The following SH3GL2 variants were observed in gnomAD, a reference collection of about 807,000 sequenced individuals.
SH3GL2 encodes endophilin-A1.
A neutral mutation model predicts 46.0 loss-of-function variants in SH3GL2; 24 were observed. The ratio of observed to expected loss-of-function variants is 0.52; its 90% CI spans 0.38 to 0.73. The LOEUF is 0.73. Ranked by LOEUF, SH3GL2 falls within the 30% of genes least tolerant of loss-of-function variation. The probability of loss-of-function intolerance (pLI) is 0.00; values close to 1 mark genes in which losing one functional copy is unlikely to be tolerated. For synonymous variants in SH3GL2, 196 were observed against 147.1 expected (o/e 1.33, Z -2.40); for missense variants, 413 against 424.2 (o/e 0.97, Z 0.23).
chr9:17,603,802 G>A lies in SH3GL2; in HGVS notation c.45+24515G>A, dbSNP rs150538060. ...TTGAACCCGGGAGGCGGAGGTTGTG[G>A]TGTGGTGAGCTGAGATCGTGCCATT... On this transcript the variant is annotated intron_variant, in intron 1 of 8. Coordinates refer to ENST00000380607, the MANE Select transcript of SH3GL2 (RefSeq NM_003026.5). Among the ~76,000 whole-genome samples, 243 of 152,278 alleles carry A rather than the reference G, an allele frequency of 1.6e-3. 1 individual carries two copies. The highest frequency in any genetic ancestry group is 5.0e-3 in the African/African-American group (208 of 41,550).
chr9:17,649,532 G>A (rs550214712), intron 1 of SH3GL2, among the ~76,000 whole-genome samples: 1 of 152,246 alleles, frequency 6.6e-6, no homozygotes, highest in East Asian at 1.9e-4. Context: ...TGTTACCAAA[G>A]TATATTTAAA....
chr9:17,719,626 C>A (rs1187357275), intron 1 of SH3GL2, among the ~76,000 whole-genome samples: 1 of 151,660 alleles, frequency 6.6e-6, no homozygotes, highest in Non-Finnish European at 1.5e-5. Context: ...CCTGTCTCTA[C>A]CAAAAAATAA....
Position 17,747,230 on chromosome 9 carries a change from C to T in SH3GL2, c.114+96C>T, listed in dbSNP as rs143002990. ...AACGGGAGAGGGCAACTGTTTTCCA[C>T]TGGTCTCTGAGAATACTACATTTTG... On this transcript the variant is annotated intron_variant, in intron 2 of 8. Coordinates refer to ENST00000380607, the MANE Select transcript of SH3GL2 (RefSeq NM_003026.5). 2.3e-3 allele frequency: 1,618 copies of T among 698,768 alleles called. 6 individuals carry two copies. Among genetic ancestry groups the T allele is most frequent in the Non-Finnish European group, 2.6e-3 (1,025 of 399,570 alleles). 43.3% of individuals were successfully genotyped at this position (698,768 alleles called of 1,614,324 possible).
chr9:17,633,335 G>A (rs758382060), intron 1 of SH3GL2, among the ~76,000 whole-genome samples: 6 of 152,110 alleles, frequency 3.9e-5, no homozygotes, highest in Non-Finnish European at 7.4e-5. Context: ...ATCCATTGTG[G>A]GAGGATACTA....
At chr9:17,581,879 A>G (rs1486103734) in intron 1 of SH3GL2, among the ~76,000 whole-genome samples, 1 of 152,080 alleles carries the variant, frequency 6.6e-6, no homozygotes, top group African/African-American at 2.4e-5. Context: ...TTGTATTTTT[A>G]GTAGAGACAG....
chr9:17,602,344 GA>G (rs1424530194), intron 1 of SH3GL2, among the ~76,000 whole-genome samples: 8 of 152,150 alleles, frequency 5.3e-5, no homozygotes, highest in Non-Finnish European at 1.2e-4. Context: ...CATCCTCCAT[GA>G]AAACCCAGTC....
At chr9:17,625,318 C>A (rs904560772) in intron 1 of SH3GL2, among the ~76,000 whole-genome samples, 1 of 152,156 alleles carries the variant, frequency 6.6e-6, no homozygotes, top group Non-Finnish European at 1.5e-5. Context: ...GGTCCAGAAG[C>A]CCCACTTTAT....
At chr9:17,736,699 C>T (rs148532905) in intron 1 of SH3GL2, among the ~76,000 whole-genome samples, 89 of 152,190 alleles carry the variant, frequency 5.8e-4, no homozygotes, top group African/African-American at 2.0e-3. Flanking sequence ...AGATATCCAT[C>T]GGCTTGCAGT....
At chr9:17,794,899 A>C (rs1242562834) in intron 8 of SH3GL2, among the ~76,000 whole-genome samples, 1 of 152,266 alleles carries the variant, frequency 6.6e-6, no homozygotes, top group Admixed American at 6.5e-5. Context: ...ATGTGAAGTA[A>C]GTCCTACTGT....
chr9:17,657,249 G>A (rs1820107615), intron 1 of SH3GL2, among the ~76,000 whole-genome samples: 1 of 152,208 alleles, frequency 6.6e-6, no homozygotes, highest in Non-Finnish European at 1.5e-5. Flanking sequence ...TCTGTAGTAT[G>A]AGAAAGAGAT....
At chr9:17,588,677 A>G (rs1260543574) in intron 1 of SH3GL2, among the ~76,000 whole-genome samples, 1 of 152,248 alleles carries the variant, frequency 6.6e-6, no homozygotes, top group African/African-American at 2.4e-5. Context: ...GCTTCCAGAT[A>G]AGAGCCCAGT....
chr9:17,766,649 C>G (rs574883392), intron 3 of SH3GL2, among the ~76,000 whole-genome samples: 3 of 152,072 alleles, frequency 2.0e-5, no homozygotes, highest in Non-Finnish European at 2.9e-5. Context: ...ATATTAACCA[C>G]TATTAAAAAT....
chr9:17,776,254 A>G (rs1281413031), intron 3 of SH3GL2, among the ~76,000 whole-genome samples: 1 of 152,042 alleles, frequency 6.6e-6, no homozygotes, highest in East Asian at 1.9e-4. Flanking sequence ...ATAAACCTTG[A>G]TTTTGAATTG....
intron 1 of SH3GL2, among the ~76,000 whole-genome samples, chr9:17,706,428 C>A (rs1469180971): frequency 6.6e-6 from 1 of 152,048 alleles, no homozygotes; most frequent in African/African-American, 2.4e-5. Context: ...TTCCTGTCCT[C>A]TCAGTTGTAC....
intron 1 of SH3GL2, among the ~76,000 whole-genome samples, chr9:17,662,576 CTCTT>C (rs1385995107): frequency 6.6e-6 from 1 of 152,242 alleles, no homozygotes; most frequent in Non-Finnish European, 1.5e-5. Flanking sequence ...TATTTAGTGA[CTCTT>C]TCAGTCAGAT....
At chr9:17,604,308 C>T (rs927788024) in intron 1 of SH3GL2, among the ~76,000 whole-genome samples, 1 of 152,218 alleles carries the variant, frequency 6.6e-6, no homozygotes, top group Admixed American at 6.5e-5. Context: ...AGACCGTTAA[C>T]TTTTCTAAAC....
At chr9:17,736,553 T>C (rs1822339805) in intron 1 of SH3GL2, among the ~76,000 whole-genome samples, 1 of 152,132 alleles carries the variant, frequency 6.6e-6, no homozygotes, top group Admixed American at 6.6e-5. Context: ...TGCCAGTAGC[T>C]TCCTTTGGCT....
In SH3GL2 at chr9:17,770,264, T is replaced by A. The variant is rs184171549; in HGVS notation, c.187+8755T>A. ...TGTTTATATACATAGATAATAGTTGTATCTATTTTTGAATGAGAAAACTGA... is the reference window on the plus strand; with the variant it reads ...TGTTTATATACATAGATAATAGTTGAATCTATTTTTGAATGAGAAAACTGA... On this transcript the variant is annotated intron_variant, in intron 3 of 8. Transcript: ENST00000380607. Among the ~76,000 whole-genome samples the A allele has an allele frequency of 2.0e-3, 298 of 152,358 alleles. 2 individuals carry two copies. Among genetic ancestry groups the A allele is most frequent in the African/African-American group, 6.8e-3 (281 of 41,588 alleles).
chr9:17,615,862 C>T (rs1292685658), intron 1 of SH3GL2, among the ~76,000 whole-genome samples: 2 of 152,032 alleles, frequency 1.3e-5, no homozygotes, highest in African/African-American at 4.8e-5. Context: ...TCATTTTAAT[C>T]AGCTGATTAA....
Sources: allele counts gnomAD v4.1 joint callset (sites outside exome capture counted in the v4.1 genomes callset), GRCh38; gene constraint gnomAD v4.1.1; transcripts MANE v1.5; gene names NCBI Gene and HGNC (gene_info 2026-07-23, HGNC 2026-07-21).